Variants in INTS9 observed in about 807,000 individuals in gnomAD.
INTS9 encodes the protein integrator complex subunit 9, also known as protein related to CPSF subunits of 74 kDa.
INTS9 carries 55 observed loss-of-function variants against 79.7 expected under a neutral mutation model. That is an observed-to-expected ratio of 0.69 (90% CI 0.56 to 0.86). The LOEUF (loss-of-function observed/expected upper bound fraction) is 0.86, where lower values mean the gene tolerates loss of function less well. Ranked by LOEUF, INTS9 falls within the 40% of genes least tolerant of loss-of-function variation. The probability of loss-of-function intolerance (pLI) is 0.00; values close to 1 mark genes in which losing one functional copy is unlikely to be tolerated. For synonymous variants in INTS9, 319 were observed against 325.2 expected, an observed-to-expected ratio of 0.98 and a Z score of 0.20; for missense variants, 721 against 831.5, an observed-to-expected ratio of 0.87 and a Z score of 1.64.
chr8:28,846,204 T>C (rs1177721948), intron 4 of INTS9, among the ~76,000 whole-genome samples: 2 of 152,186 alleles, frequency 1.3e-5, no homozygotes, highest in Non-Finnish European at 2.9e-5. Flanking sequence ...TGGAAACTGA[T>C]CTTAGTTTCC....
chr8:28,809,919 T>C (rs1278685719), intron 8 of INTS9, among the ~76,000 whole-genome samples: 1 of 152,208 alleles, frequency 6.6e-6, no homozygotes, highest in Non-Finnish European at 1.5e-5. Flanking sequence ...AGACATCCTA[T>C]TGTTCAACAC....
At chr8:28,784,834 A>G (rs946844693) in intron 11 of INTS9, among the ~76,000 whole-genome samples, 8 of 152,206 alleles carry the variant, frequency 5.3e-5, no homozygotes, top group Admixed American at 2.6e-4. Flanking sequence ...TCTCATCTAC[A>G]CACCCGATTC....
chr8:28,837,783 A>G lies in INTS9; in HGVS notation c.262-7T>C. On this transcript the variant is annotated splice_region_variant and splice_polypyrimidine_tract_variant and intron_variant, in intron 4 of 16. Coordinates refer to ENST00000521022, the MANE Select transcript of INTS9 (RefSeq NM_018250.4). The stretch of plus-strand genomic sequence containing the variant: ...ACAGATCTATTAGCTCCGTCTGAAA[A>G]GAAAGGGAGGGAATGATATATATCT... 6.2e-7 allele frequency: 1 copy of G among 1,611,976 alleles called. No individual in the cohort carries two copies. The highest frequency in any genetic ancestry group is 8.5e-7 in the Non-Finnish European group (1 of 1,178,546).
chr8:28,834,274 C>G (rs771694188), intron 6 of INTS9, among the ~76,000 whole-genome samples: 43 of 152,322 alleles, frequency 2.8e-4, no homozygotes, highest in Non-Finnish European at 4.7e-4. Flanking sequence ...CTCTGCATTC[C>G]TGTCCATCCT....
At chr8:28,768,425 C>A (rs750768905) in intron 16 of INTS9, 103 bp from the exon 17 acceptor site, 3 of 1,032,758 alleles carry the variant, frequency 2.9e-6, no homozygotes, top group African/African-American at 1.6e-5. Context: ...GAAACTGACA[C>A]GTCTCAACAC....
Position 28,809,023 on chromosome 8 carries a change from C to T in INTS9, c.744+3304G>A, listed in dbSNP as rs145079816. Among the ~76,000 whole-genome samples, 4 of 151,840 alleles carry T rather than the reference C, an allele frequency of 2.6e-5. No homozygotes were observed. The East Asian group carries it at 7.8e-4, about 29-fold the overall frequency. ...AGAGTACAATGGCACAAACATGGCT[C>T]ACTGCAGCCTCAACCTCCCAGGCTG... is the stretch of plus-strand genomic sequence containing the variant. On this transcript the variant is annotated intron_variant, in intron 8 of 16. Coordinates refer to ENST00000521022, the MANE Select transcript of INTS9 (RefSeq NM_018250.4).
Position 28,830,208 on chromosome 8 carries a change from A to G in INTS9, c.488+5084T>C, listed in dbSNP as rs146849747. On this transcript the variant is annotated intron_variant, in intron 6 of 16. Coordinates refer to ENST00000521022, the MANE Select transcript of INTS9 (RefSeq NM_018250.4). ...ATATTAACTAGCTTGTGATAGAGAT[A>G]AATCTAAAGGTGATGTAAATCCCTT... Among the ~76,000 whole-genome samples the G allele has an allele frequency of 1.9e-3, 290 of 152,356 alleles. 1 individual carries two copies. Among genetic ancestry groups the G allele is most frequent in the African/African-American group, 6.8e-3 (281 of 41,576 alleles).
At chr8:28,881,464 C>T (rs1490715630) in intron 1 of INTS9, among the ~76,000 whole-genome samples, 71 of 128,162 alleles carry the variant, frequency 5.5e-4, no homozygotes, top group African/African-American at 1.9e-3. Context: ...GCCGCCCCGT[C>T]CGGGAGGGGG....
At chr8:28,818,500 G>T (rs968583995) in intron 6 of INTS9, among the ~76,000 whole-genome samples, 10 of 152,168 alleles carry the variant, frequency 6.6e-5, no homozygotes, top group African/African-American at 2.4e-4. Context: ...CAGGGATGAA[G>T]CCCACTTGAT....
chr8:28,833,488 C>A (rs1174977139), intron 6 of INTS9, among the ~76,000 whole-genome samples: 1 of 151,930 alleles, frequency 6.6e-6, no homozygotes, highest in Non-Finnish European at 1.5e-5. Flanking sequence ...GGTGTGGTTG[C>A]ACACACCTGC....
chr8:28,841,612 G>T (rs1012857791), intron 4 of INTS9, among the ~76,000 whole-genome samples: 1 of 152,114 alleles, frequency 6.6e-6, no homozygotes, highest in African/African-American at 2.4e-5. Flanking sequence ...CAACACAGGG[G>T]TCAGGGGTGC....
intron 6 of INTS9, among the ~76,000 whole-genome samples, chr8:28,833,795 C>A (rs897017371): frequency 1.3e-5 from 2 of 152,056 alleles, no homozygotes; most frequent in African/African-American, 2.4e-5. Flanking sequence ...TAGAGAAAGC[C>A]CAGTGTGTTA....
chr8:28,781,110 A>G (rs912229921), intron 11 of INTS9, 116 bp from the exon 12 acceptor site: 4 of 764,898 alleles, frequency 5.2e-6, no homozygotes, highest in Admixed American at 5.5e-5. Context: ...AAGACAAGCC[A>G]CGGATTGGGA....
At chr8:28,833,003 A>G (rs1806588512) in intron 6 of INTS9, among the ~76,000 whole-genome samples, 2 of 152,070 alleles carry the variant, frequency 1.3e-5, no homozygotes, top group Admixed American at 6.5e-5. Context: ...CTATCTACCT[A>G]TTTATTAAAG....
At chr8:28,863,204 C>T (rs2131306207) in intron 1 of INTS9, among the ~76,000 whole-genome samples, 1 of 152,158 alleles carries the variant, frequency 6.6e-6, no homozygotes, top group Non-Finnish European at 1.5e-5. Flanking sequence ...AAATAGTTCC[C>T]ATTTTGCTGG....
intron 3 of INTS9, among the ~76,000 whole-genome samples, chr8:28,847,342 GA>G (rs1183323012): frequency 6.6e-6 from 1 of 152,014 alleles, no homozygotes; most frequent in East Asian, 1.9e-4. Context: ...GGGTTGGGAG[GA>G]AAGGGGGATG....
In INTS9 at chr8:28,771,007, G is replaced by A; in HGVS notation, c.1637C>T (p.Thr546Ile). ...CTGAAGCAAGTGCTTGTTATCTTTG[G>A]TGTGCAGCACGGCCGAGACAGTTGC... ...SLATVSAVLH[T>I]KDNKHLLQPP... The change falls in exon 15 of 17, where the codon ACC (threonine) becomes ATC (isoleucine). Residue 546 changes from threonine (T) to isoleucine (I), a missense_variant. Physicochemically the swap from Thr to Ile is moderately conservative, Grantham distance 89. Transcript: ENST00000521022. 2 of 1,613,530 alleles carry A rather than the reference G, an allele frequency of 1.2e-6. No homozygotes were observed. Among genetic ancestry groups the A allele is most frequent in the Non-Finnish European group, 1.7e-6 (2 of 1,179,858 alleles).
Position 28,835,293 on chromosome 8 carries a change from T to G in INTS9, c.487A>C (p.Arg163=), listed in dbSNP as rs757807214. 5 of 1,612,002 alleles carry G rather than the reference T, an allele frequency of 3.1e-6. No homozygotes were observed. The South Asian group carries it at 4.4e-5, about 14-fold the overall frequency. ...ASLWKNKDIQ[R]LLPSPLKDAV... is the part of the protein sequence containing the mutation. ...GTAAGAGAGTGGTCTGTTCCTCACC[T>G]CTGAATGTCCTTATTCTTCCACAAG... Residue 163 remains arginine, a splice_region_variant and synonymous_variant, in exon 6 of 17, where the codon AGG becomes CGG. Coordinates refer to ENST00000521022, the MANE Select transcript of INTS9 (RefSeq NM_018250.4).
intron 6 of INTS9, among the ~76,000 whole-genome samples, chr8:28,834,297 C>T (rs1806672760): frequency 6.6e-6 from 1 of 152,158 alleles, no homozygotes; most frequent in South Asian, 2.1e-4. Context: ...ACGCTGCTTC[C>T]AGAGTTACTT....
Sources: gnomAD v4.1 joint callset for allele counts (sites outside exome capture counted in the v4.1 genomes callset) on GRCh38, gnomAD v4.1.1 for gene constraint, MANE v1.5 for transcripts, NCBI Gene and HGNC (gene_info 2026-07-23, HGNC 2026-07-21) for gene names.